Variants in CLVS1 observed in about 807,000 individuals in gnomAD.
The protein encoded by CLVS1 is clavesin-1.
CLVS1 carries 10 observed loss-of-function variants against 33.1 expected under a neutral mutation model. That is an observed-to-expected ratio of 0.30 (90% CI 0.19 to 0.51). The LOEUF (loss-of-function observed/expected upper bound fraction) is 0.51, where lower values mean the gene tolerates loss of function less well. Ranked by LOEUF, CLVS1 falls within the 20% of genes least tolerant of loss-of-function variation. The pLI, the probability that CLVS1 is intolerant of heterozygous loss-of-function variation, is 0.97. For synonymous variants in CLVS1, 163 were observed against 166.1 expected (o/e 0.98, Z 0.14); for missense variants, 343 against 433.4 (o/e 0.79, Z 1.85).
intron 2 of CLVS1, among the ~76,000 whole-genome samples, chr8:61,303,214 A>G (rs2978561): frequency 0.27 from 41,512 of 152,146 alleles, 6,927 homozygotes; most frequent in Non-Finnish European, 0.35. Context: ...CAGCCATGGT[A>G]AAATATTTTA....
intron 3 of CLVS1, among the ~76,000 whole-genome samples, chr8:61,446,186 T>G (rs1243339190): frequency 6.6e-6 from 1 of 152,210 alleles, no homozygotes; most frequent in Non-Finnish European, 1.5e-5. Flanking sequence ...TATTTTCTTT[T>G]TATGCTTACT....
At chr8:61,285,363 A>T (rs537627649), upstream of CLVS1, among the ~76,000 whole-genome samples, 2 of 152,300 alleles carry the variant, frequency 1.3e-5, no homozygotes, top group African/African-American at 4.8e-5. Flanking sequence ...CACAGAACAG[A>T]TTAGAATATA....
chr8:61,483,811 C>A (rs964820237), intron 5 of CLVS1, among the ~76,000 whole-genome samples: 1 of 152,136 alleles, frequency 6.6e-6, no homozygotes, highest in Non-Finnish European at 1.5e-5. Flanking sequence ...AATCAATAAA[C>A]GTAATCCATC....
intron 2 of CLVS1, among the ~76,000 whole-genome samples, chr8:61,255,617 A>G (rs900214381): frequency 2.0e-5 from 3 of 152,240 alleles, no homozygotes; most frequent in African/African-American, 7.2e-5. Context: ...TCCTGCAAGT[A>G]GATTTCTAAG....
At chr8:60,975,066 T>C in the CLVS1 span, among the ~76,000 whole-genome samples, 10 of 152,022 alleles carry the variant, frequency 6.6e-5, no homozygotes, top group Non-Finnish European at 1.5e-4. Flanking sequence ...CATAGGGTAA[T>C]GGGTGCATAT....
chr8:61,381,125 C>T (rs889482774), intron 3 of CLVS1, among the ~76,000 whole-genome samples: 1 of 151,394 alleles, frequency 6.6e-6, no homozygotes, highest in Admixed American at 6.6e-5. Context: ...TGGTGCGTTC[C>T]TTAACTCTTT....
At chr8:61,103,170 T>C (rs1157452270) in intron 1 of CLVS1, among the ~76,000 whole-genome samples, 1 of 152,248 alleles carries the variant, frequency 6.6e-6, no homozygotes, top group Non-Finnish European at 1.5e-5. Flanking sequence ...GGACCTGAAA[T>C]GACTTTGAGC....
the CLVS1 span, among the ~76,000 whole-genome samples, chr8:60,997,116 T>C: frequency 6.6e-6 from 1 of 152,194 alleles, no homozygotes; most frequent in South Asian, 2.1e-4. Flanking sequence ...TTGCAATTTT[T>C]GATTTTCTTG....
the CLVS1 span, among the ~76,000 whole-genome samples, chr8:61,039,124 G>A: frequency 6.6e-6 from 1 of 152,110 alleles, no homozygotes; most frequent in Non-Finnish European, 1.5e-5. Context: ...ATTGTTGTTA[G>A]TGTATTTTTA....
At position 61,189,750 on chromosome 8, in the gene CLVS1, T is replaced by C. The variant is rs186315600; in HGVS notation, c.-152+57890T>C. On this transcript the variant is annotated intron_variant, in intron 2 of 2. Coordinates refer to the CLVS1 transcript ENST00000522621. ...AGTCTTGGATAAAACAGACTTTAAA[T>C]CAACAAAGATCAAAAGAGACAAAGA... Among the ~76,000 whole-genome samples, 349 of 151,990 alleles carry C rather than the reference T, an allele frequency of 2.3e-3. 2 individuals carry two copies. The highest frequency in any genetic ancestry group is 8.0e-3 in the African/African-American group (330 of 41,470).
chr8:61,156,435 A>G (rs1458155159), intron 2 of CLVS1, among the ~76,000 whole-genome samples: 1 of 151,762 alleles, frequency 6.6e-6, no homozygotes, highest in Non-Finnish European at 1.5e-5. Flanking sequence ...TTTTTTTTCT[A>G]TTAGTCTGTC....
chr8:60,966,088 A>G, the CLVS1 span: 1 of 235,506 alleles, frequency 4.2e-6, no homozygotes, highest in Non-Finnish European at 8.7e-6. Flanking sequence ...CTGGGATTAC[A>G]GGTGTGAGCC....
intron 3 of CLVS1, among the ~76,000 whole-genome samples, chr8:61,420,834 T>G (rs1472037707): frequency 6.7e-6 from 1 of 149,740 alleles, no homozygotes; most frequent in African/African-American, 2.5e-5. Context: ...CTGGGCATGG[T>G]GGCGGGCACC....
At chr8:61,470,712 A>G (rs1231852220) in intron 5 of CLVS1, among the ~76,000 whole-genome samples, 1 of 152,260 alleles carries the variant, frequency 6.6e-6, no homozygotes, top group Non-Finnish European at 1.5e-5. Flanking sequence ...GACATAATAT[A>G]TGGTAGAAGT....
At chr8:61,323,057 A>C (rs1004192316) in intron 2 of CLVS1, among the ~76,000 whole-genome samples, 2 of 152,124 alleles carry the variant, frequency 1.3e-5, no homozygotes. Flanking sequence ...TCAGCTATGC[A>C]TTGCTACATA....
intron 2 of CLVS1, among the ~76,000 whole-genome samples, chr8:61,189,804 AT>A (rs1020427733): frequency 2.0e-5 from 3 of 152,248 alleles, no homozygotes; most frequent in Non-Finnish European, 4.4e-5. Flanking sequence ...AAAGGGATCA[AT>A]TCAACAAGAA....
intron 2 of CLVS1, among the ~76,000 whole-genome samples, chr8:61,307,055 T>TG (rs1378614227): frequency 2.0e-5 from 3 of 152,172 alleles, no homozygotes; most frequent in South Asian, 2.1e-4. Flanking sequence ...AAGAAATGAA[T>TG]GGGGGGTTGT....
At chr8:61,238,069 T>C (rs1808605137) in intron 2 of CLVS1, among the ~76,000 whole-genome samples, 1 of 152,290 alleles carries the variant, frequency 6.6e-6, no homozygotes. Flanking sequence ...GAGTTCCTCC[T>C]ACCCTGCCCC....
chr8:61,486,466 G>A (rs766416959), intron 5 of CLVS1, among the ~76,000 whole-genome samples: 16 of 152,176 alleles, frequency 1.1e-4, no homozygotes, highest in South Asian at 2.1e-4. Context: ...TGACTTTTAC[G>A]TTATTTTGAA....
Sources: gnomAD v4.1 joint callset for allele counts (sites outside exome capture counted in the v4.1 genomes callset) on GRCh38, gnomAD v4.1.1 for gene constraint, MANE v1.5 for transcripts, NCBI Gene and HGNC (gene_info 2026-07-23, HGNC 2026-07-21) for gene names.